The following NREP variants were observed in gnomAD, a reference collection of about 807,000 sequenced individuals.
NREP encodes the protein neuronal regeneration related protein.
In NREP, 5 loss-of-function variants were observed where a neutral mutation model predicts 8.6. That is an observed-to-expected ratio of 0.58 (90% confidence interval 0.30 to 1.22). The LOEUF (loss-of-function observed/expected upper bound fraction) is 1.22. Ranked by LOEUF, NREP falls within the 50% of genes most tolerant of loss-of-function variation. The pLI, the probability that NREP is intolerant of heterozygous loss-of-function variation, is 0.07. For missense variants in NREP, 86 were observed against 82.5 expected, an observed-to-expected ratio of 1.04 and a Z score of -0.17; for synonymous variants, 27 against 28.0, an observed-to-expected ratio of 0.96 and a Z score of 0.11.
chr5:111,942,816 T>A (rs971447482), intron 2 of NREP, among the ~76,000 whole-genome samples: 2 of 152,066 alleles, frequency 1.3e-5, no homozygotes, highest in Non-Finnish European at 2.9e-5. Context: ...AATCCTGTAT[T>A]CATCTCATAG....
At chr5:111,873,175 A>T (rs1753827855) in intron 2 of NREP, among the ~76,000 whole-genome samples, 2 of 152,198 alleles carry the variant, frequency 1.3e-5, no homozygotes, top group East Asian at 3.8e-4. Flanking sequence ...AATATCCATT[A>T]AAGGATGCTA....
At position 111,730,796 on chromosome 5, in the gene NREP, C is replaced by T; in HGVS notation, c.*125G>A. 1 of 1,117,154 alleles carries T rather than the reference C, an allele frequency of 9.0e-7. No homozygotes were observed. Among genetic ancestry groups the T allele is most frequent in the Non-Finnish European group, 1.3e-6 (1 of 792,172 alleles). The allele number at this position is 1,117,154 out of a possible 1,614,324, so 69.2% of individuals were successfully genotyped here. ...TTTGTCCACTGTAAATTCTCTAAAG[C>T]AAGGCTCAGAGTCCCATAGTTTCTT... is the stretch of plus-strand genomic sequence containing the variant. On this transcript the variant is annotated 3_prime_UTR_variant, in exon 4 of 4. Coordinates refer to ENST00000257435, the MANE Select transcript of NREP (RefSeq NM_004772.4).
At chr5:111,897,452 C>T (rs1211605495) in intron 2 of NREP, among the ~76,000 whole-genome samples, 2 of 152,166 alleles carry the variant, frequency 1.3e-5, no homozygotes, top group Admixed American at 6.5e-5. Flanking sequence ...TCAACCCAGG[C>T]ATATTTCCTA....
chr5:111,758,254 A>G (rs575757274), upstream of NREP: 4,260 of 985,562 alleles, frequency 4.3e-3, 6 homozygotes, highest in Non-Finnish European at 4.9e-3. Context: ...CACGCGCACA[A>G]CCAGCCAGAG....
intron 2 of NREP, among the ~76,000 whole-genome samples, chr5:111,900,765 A>T (rs193290614): frequency 4.7e-5 from 7 of 148,334 alleles, no homozygotes; most frequent in African/African-American, 7.7e-5. Flanking sequence ...AAACAGTAAT[A>T]AAAAAAGTCT....
intron 2 of NREP, among the ~76,000 whole-genome samples, chr5:111,876,149 G>C (rs1753903477): frequency 6.6e-6 from 1 of 152,156 alleles, no homozygotes; most frequent in African/African-American, 2.4e-5. Context: ...CTGGCCCCCA[G>C]GTAGCCCTTT....
chr5:111,871,421 G>A (rs2112496840), intron 2 of NREP, among the ~76,000 whole-genome samples: 1 of 152,286 alleles, frequency 6.6e-6, no homozygotes, highest in African/African-American at 2.4e-5. Context: ...GGGTGAGTCA[G>A]TGAGTGAGTG....
intron 2 of NREP, among the ~76,000 whole-genome samples, chr5:111,940,540 A>G (rs1448323871): frequency 1.3e-5 from 2 of 152,014 alleles, no homozygotes; most frequent in Non-Finnish European, 2.9e-5. Flanking sequence ...AACGTTGGAG[A>G]GAAGAGCTAA....
intron 2 of NREP, among the ~76,000 whole-genome samples, chr5:111,744,998 T>C (rs577788156): frequency 6.6e-4 from 101 of 152,242 alleles, no homozygotes; most frequent in Middle Eastern, 3.4e-3. Context: ...ACAGGAGTAG[T>C]TGGAACCCAC....
At chr5:111,816,370 G>A (rs997768540) in intron 2 of NREP, among the ~76,000 whole-genome samples, 19 of 151,878 alleles carry the variant, frequency 1.3e-4, no homozygotes, top group African/African-American at 2.2e-4. Flanking sequence ...AAATGAATAC[G>A]GATGTTTAAA....
intron 2 of NREP, among the ~76,000 whole-genome samples, chr5:111,848,938 G>C (rs963945312): frequency 8.5e-5 from 13 of 152,214 alleles, no homozygotes; most frequent in Admixed American, 7.2e-4. Context: ...TTTCTCATTA[G>C]AGTTATGCCT....
chr5:111,766,132 G>C (rs1275875636), intron 2 of NREP, among the ~76,000 whole-genome samples: 1 of 152,136 alleles, frequency 6.6e-6, no homozygotes, highest in Non-Finnish European at 1.5e-5. Context: ...TTTCAGTGTT[G>C]CATATAGCCT....
intron 2 of NREP, among the ~76,000 whole-genome samples, chr5:111,828,318 C>T (rs910644697): frequency 3.3e-5 from 5 of 151,978 alleles, no homozygotes; most frequent in Non-Finnish European, 2.9e-5. Flanking sequence ...CGTGAGACAC[C>T]GCGCCCGGCC....
At chr5:111,785,008 G>C (rs960640613) in intron 2 of NREP, among the ~76,000 whole-genome samples, 1 of 152,106 alleles carries the variant, frequency 6.6e-6, no homozygotes, top group African/African-American at 2.4e-5. Context: ...CTTAGGCCTG[G>C]AGTTATACAG....
chr5:111,846,678 C>A (rs1338174624), intron 2 of NREP: 1 of 151,822 alleles, frequency 6.6e-6, no homozygotes, highest in Non-Finnish European at 1.5e-5. Flanking sequence ...TCAAATTTAC[C>A]TTCTCCTTTG....
At chr5:111,824,902 G>A (rs758025642) in intron 2 of NREP, among the ~76,000 whole-genome samples, 9 of 152,132 alleles carry the variant, frequency 5.9e-5, no homozygotes, top group Non-Finnish European at 1.2e-4. Context: ...TAAGACATAG[G>A]TCTTTATGTA....
chr5:111,799,432 C>T (rs1360330091), intron 2 of NREP, among the ~76,000 whole-genome samples: 1 of 152,172 alleles, frequency 6.6e-6, no homozygotes, highest in Admixed American at 6.5e-5. Flanking sequence ...GAAAATTTGA[C>T]ATTATCATTG....
chr5:111,758,302 T>C, upstream of NREP: 1 of 972,856 alleles, frequency 1.0e-6, no homozygotes, highest in Non-Finnish European at 1.2e-6. Context: ...CATACTCCCC[T>C]GGTGCTTCCT....
chr5:111,949,839 T>C (rs1403563169), intron 2 of NREP, among the ~76,000 whole-genome samples: 1 of 152,136 alleles, frequency 6.6e-6, no homozygotes, highest in Non-Finnish European at 1.5e-5. Context: ...TTGATGGGCA[T>C]TTGGGTTGGT....
Sources: gnomAD v4.1 joint callset for allele counts (sites outside exome capture counted in the v4.1 genomes callset) on GRCh38, gnomAD v4.1.1 for gene constraint, MANE v1.5 for transcripts, NCBI Gene and HGNC (gene_info 2026-07-23, HGNC 2026-07-21) for gene names.